MPPED1: variants seen among roughly 807,000 people sequenced by gnomAD.
MPPED1 encodes metallophosphoesterase domain containing 1, also known as metallophosphoesterase domain-containing protein 1.
In MPPED1, 16 loss-of-function variants were observed where a neutral mutation model predicts 36.2. The ratio of observed to expected loss-of-function variants is 0.44; its 90% confidence interval spans 0.30 to 0.67. The LOEUF is 0.67. MPPED1 is among the 30% of genes least tolerant of loss of function. The pLI is 0.10. For missense variants in MPPED1, 307 were observed against 453.4 expected, an observed-to-expected ratio of 0.68 and a Z score of 2.93; for synonymous variants, 199 against 191.3, an observed-to-expected ratio of 1.04 and a Z score of -0.33.
intron 3 of MPPED1, among the ~76,000 whole-genome samples, chr22:43,436,851 C>A (rs745915644): frequency 1.2e-4 from 18 of 152,262 alleles, no homozygotes; most frequent in Non-Finnish European, 7.3e-5. Context: ...GAGGTGGCTA[C>A]CATTTGCGTC....
intron 6 of MPPED1, among the ~76,000 whole-genome samples, chr22:43,504,359 T>C (rs1569093664): frequency 6.6e-6 from 1 of 151,850 alleles, no homozygotes; most frequent in African/African-American, 2.4e-5. Context: ...ATGATGACAA[T>C]GATGATGATG....
At chr22:43,428,543 G>C (rs1463881389) in intron 2 of MPPED1, among the ~76,000 whole-genome samples, 5 of 152,304 alleles carry the variant, frequency 3.3e-5, no homozygotes, top group Non-Finnish European at 4.4e-5. Context: ...AGCGGTGGGG[G>C]GATGGCTGCC....
At position 43,505,597 on chromosome 22, in the gene MPPED1, C is replaced by T. The variant is rs1220280251; in HGVS notation, c.962C>T (p.Pro321Leu). The change falls in exon 7 of 7, where the codon CCC becomes CTC. Residue 321 changes from proline to leucine, a missense_variant. Coordinates refer to ENST00000443721, the MANE Select transcript of MPPED1 (RefSeq NM_001044370.2). ...PVNPPIVIDL[P>L]TPRNS ...AACCCGCCCATAGTCATCGACCTCC[C>T]CACACCCCGGAACTCCTGACTGCTC... 1.2e-6 allele frequency: 2 copies of T among 1,611,178 alleles called. No homozygotes were observed. The highest frequency in any genetic ancestry group is 1.3e-5 in the African/African-American group (1 of 74,838).
rs1337130005 is a variant in MPPED1, at chr22:43,474,862, C to T, written c.533C>T (p.Pro178Leu). The T allele has an allele frequency of 8.7e-6, 14 of 1,613,892 alleles. No homozygotes were observed. The highest frequency in any genetic ancestry group is 1.3e-5 in the African/African-American group (1 of 74,920). ...YYFPSVSKLK[P>L]ENYENVQSLL... ...TTCCCATCTGTGTCGAAGCTGAAGC[C>T]GGAGAACTATGAGAATGTGCAGTCG... is the stretch of plus-strand genomic sequence containing the variant. Residue 178 changes from proline (P) to leucine (L), a missense_variant, in exon 4 of 7, where the codon CCG becomes CTG. Pro to Leu is a moderately conservative substitution (Grantham distance 98). Around this residue, in one of 3 missense-constraint regions of MPPED1, gnomAD observed 132 missense variants for 212.3 expected, o/e 0.62. Coordinates refer to ENST00000443721, the MANE Select transcript of MPPED1 (RefSeq NM_001044370.2). The surrounding 1 kb of genome is among the most constrained non-coding windows in gnomAD (Gnocchi z 5.2).
chr22:43,459,357 G>A (rs1217707703), intron 3 of MPPED1, among the ~76,000 whole-genome samples: 1 of 152,196 alleles, frequency 6.6e-6, no homozygotes, highest in Non-Finnish European at 1.5e-5. Context: ...CAAAATGCTG[G>A]GATTACAGGC....
intron 4 of MPPED1, among the ~76,000 whole-genome samples, chr22:43,497,447 C>T (rs1932454886): frequency 6.6e-6 from 1 of 152,024 alleles, no homozygotes; most frequent in Admixed American, 6.5e-5. Flanking sequence ...CCGACAGCTG[C>T]CCACAGCTCC....
intron 4 of MPPED1, among the ~76,000 whole-genome samples, chr22:43,482,068 G>T (rs1053107500): frequency 6.6e-6 from 1 of 152,176 alleles, no homozygotes; most frequent in Non-Finnish European, 1.5e-5. Flanking sequence ...TTAGCGGAAG[G>T]GGGCGGGAAC....
intron 3 of MPPED1, among the ~76,000 whole-genome samples, chr22:43,448,607 TTTATTTATTTA>T (rs1930448627): frequency 7.5e-6 from 1 of 132,698 alleles, no homozygotes; most frequent in East Asian, 2.3e-4. Context: ...TATTTATTTA[TTTATTTATTTA>T]TTGAGACAGA....
chr22:43,449,355 G>A (rs11913698), intron 3 of MPPED1, among the ~76,000 whole-genome samples: 3,702 of 152,098 alleles, frequency 0.024, 134 homozygotes, highest in East Asian at 0.13. Context: ...AGGTCACGCA[G>A]GTCTCCAGGG....
At chr22:43,478,095 T>C (rs1442383177) in intron 4 of MPPED1, among the ~76,000 whole-genome samples, 1 of 152,052 alleles carries the variant, frequency 6.6e-6, no homozygotes, top group South Asian at 2.1e-4. Context: ...CAGGTAGAGG[T>C]TCAGGCAGGG....
At chr22:43,488,799 G>A (rs180977266) in intron 4 of MPPED1, among the ~76,000 whole-genome samples, 4 of 152,220 alleles carry the variant, frequency 2.6e-5, no homozygotes, top group Admixed American at 6.5e-5. Flanking sequence ...ACATAAAGCC[G>A]CCTTCCATGG....
chr22:43,480,790 G>C (rs1326819942), intron 4 of MPPED1, among the ~76,000 whole-genome samples: 1 of 151,344 alleles, frequency 6.6e-6, no homozygotes, highest in African/African-American at 2.4e-5. Flanking sequence ...TCTGTTCTCT[G>C]AAATAATGAA....
At chr22:43,465,444 G>A (rs1003079286) in intron 3 of MPPED1, among the ~76,000 whole-genome samples, 4 of 152,244 alleles carry the variant, frequency 2.6e-5, no homozygotes, top group African/African-American at 4.8e-5. Flanking sequence ...TGTAAGGGAC[G>A]ACGGAACCTC....
chr22:43,505,679 G>C lies in MPPED1; in HGVS notation c.*63G>C, dbSNP rs1932795946. 1 of 1,452,256 alleles carries C rather than the reference G, an allele frequency of 6.9e-7. No individual in the cohort carries two copies. Among genetic ancestry groups the C allele is most frequent in the Admixed American group, 2.0e-5 (1 of 51,106 alleles). The allele number at this position is 1,452,256 out of a possible 1,614,324, so 90.0% of individuals were successfully genotyped here. Reference sequence around the variant, plus strand: ...GCTCCACAGGCCTGGCCCGGCCACTGTTCCTTCCATGCTGAGTTGCCTGGA... The same window carrying C: ...GCTCCACAGGCCTGGCCCGGCCACTCTTCCTTCCATGCTGAGTTGCCTGGA... On this transcript the variant is annotated 3_prime_UTR_variant, in exon 7 of 7. Coordinates refer to ENST00000443721, the MANE Select transcript of MPPED1 (RefSeq NM_001044370.2).
chr22:43,502,793 A>G lies in MPPED1; in HGVS notation c.862+36A>G. On this transcript the variant is annotated intron_variant, in intron 6 of 6. Transcript: ENST00000443721. The surrounding 1 kb of genome is among the most constrained non-coding windows in gnomAD (Gnocchi z 5.5). ...AGCGGAGACAGGCACCTCACGGGCT[A>G]GGGGCTCCTAATGGACCCTCCAGCA... 1 of 1,575,326 alleles carries G rather than the reference A, an allele frequency of 6.3e-7. No homozygotes were observed.
At chr22:43,503,638 C>T (rs1048624721) in intron 6 of MPPED1, among the ~76,000 whole-genome samples, 1 of 152,246 alleles carries the variant, frequency 6.6e-6, no homozygotes, top group African/African-American at 2.4e-5. Flanking sequence ...CAGACCTCAC[C>T]TGGCCCTGGA....
chr22:43,503,595 C>T (rs918581186), intron 6 of MPPED1, among the ~76,000 whole-genome samples: 9 of 152,198 alleles, frequency 5.9e-5, no homozygotes, highest in African/African-American at 1.2e-4. Context: ...CCCTGAGGGC[C>T]TCTGCAGCTC....
chr22:43,457,045 A>G (rs1355134907), intron 3 of MPPED1, among the ~76,000 whole-genome samples: 2 of 152,176 alleles, frequency 1.3e-5, no homozygotes, highest in African/African-American at 4.8e-5. Flanking sequence ...TTTTGAGCCT[A>G]TATTCAGAAG....
chr22:43,423,701 T>C (rs1929356790), intron 1 of MPPED1, among the ~76,000 whole-genome samples: 1 of 152,254 alleles, frequency 6.6e-6, no homozygotes, highest in Non-Finnish European at 1.5e-5. Flanking sequence ...GTTTTCTGAC[T>C]GTGTCGATTC....
Sources: gnomAD v4.1 joint callset for allele counts (sites outside exome capture counted in the v4.1 genomes callset) on GRCh38, gnomAD v4.1.1 for gene constraint, gnomAD v4.1.1 regional missense constraint, Gnocchi (gnomAD v3.1) non-coding constraint, MANE v1.5 for transcripts, NCBI Gene and HGNC (gene_info 2026-07-23, HGNC 2026-07-21) for gene names.